MEIKIN: variants seen among roughly 807,000 people sequenced by gnomAD.
MEIKIN encodes meiotic kinetochore factor, also known as meiosis-specific kinetochore protein.
At chr5:131,871,315 C>T (rs1023869824) in intron 9 of MEIKIN, among the ~76,000 whole-genome samples, 6 of 152,230 alleles carry the variant, frequency 3.9e-5, no homozygotes, top group African/African-American at 1.2e-4. Flanking sequence ...ACTGCACTTT[C>T]CCAACTGGCT....
intron 9 of MEIKIN, among the ~76,000 whole-genome samples, chr5:131,875,321 A>C (rs2149626987): frequency 6.6e-6 from 1 of 152,354 alleles, no homozygotes; most frequent in Admixed American, 6.5e-5. Flanking sequence ...TCAATGTACA[A>C]AAATCACAAG....
At chr5:131,925,491 A>T (rs1751573102) in intron 5 of MEIKIN, among the ~76,000 whole-genome samples, 1 of 152,122 alleles carries the variant, frequency 6.6e-6, no homozygotes, top group African/African-American at 2.4e-5. Context: ...TCTACTTCTT[A>T]AGTTTATTCC....
intron 10 of MEIKIN, among the ~76,000 whole-genome samples, chr5:131,853,453 A>T (rs1157794473): frequency 6.6e-6 from 1 of 152,164 alleles, no homozygotes; most frequent in African/African-American, 2.4e-5. Context: ...TGGATTTGAT[A>T]ATCATTTCTT....
intron 11 of MEIKIN, among the ~76,000 whole-genome samples, chr5:131,826,882 T>G (rs1749618008): frequency 6.6e-6 from 1 of 152,220 alleles, no homozygotes. Flanking sequence ...TTACCTGGTC[T>G]CAGGTAGTAT....
intron 11 of MEIKIN, among the ~76,000 whole-genome samples, chr5:131,830,406 G>A (rs1749695599): frequency 6.6e-6 from 1 of 152,020 alleles, no homozygotes; most frequent in Non-Finnish European, 1.5e-5. Flanking sequence ...GAAAGAAAAA[G>A]ATTTATGAAA....
intron 4 of MEIKIN, among the ~76,000 whole-genome samples, chr5:131,934,193 C>A (rs1751735915): frequency 6.6e-6 from 1 of 151,744 alleles, no homozygotes; most frequent in Non-Finnish European, 1.5e-5. Flanking sequence ...GAACTCCTGA[C>A]CTCATGATCC....
chr5:131,883,799 A>C (rs574356413), intron 8 of MEIKIN, among the ~76,000 whole-genome samples: 1 of 152,232 alleles, frequency 6.6e-6, no homozygotes, highest in East Asian at 1.9e-4. Context: ...CCAATGCCAC[A>C]CCTCCTTCAT....
At chr5:131,921,570 C>G (rs1241536853) in intron 6 of MEIKIN, among the ~76,000 whole-genome samples, 1 of 152,112 alleles carries the variant, frequency 6.6e-6, no homozygotes, top group East Asian at 1.9e-4. Flanking sequence ...GGCAGGAGAA[C>G]TGCTTGAACC....
At chr5:131,882,716 C>A (rs1007836709) in intron 8 of MEIKIN, among the ~76,000 whole-genome samples, 7 of 152,234 alleles carry the variant, frequency 4.6e-5, no homozygotes, top group Middle Eastern at 3.2e-3. Context: ...CCACTTTACA[C>A]AACCTGGTTA....
intron 4 of MEIKIN, among the ~76,000 whole-genome samples, chr5:131,933,908 G>C (rs1751729959): frequency 6.6e-6 from 1 of 151,642 alleles, no homozygotes. Context: ...CTTTTCTCTA[G>C]TTTGGTTCAG....
chr5:131,888,491 G>C (rs1420134181), intron 8 of MEIKIN, among the ~76,000 whole-genome samples: 1 of 152,142 alleles, frequency 6.6e-6, no homozygotes, highest in Non-Finnish European at 1.5e-5. Context: ...TGTGTCCGTT[G>C]GCTGCATAAA....
rs1053459686 is a variant in MEIKIN, at chr5:131,942,666, A to G, written c.318T>C (p.Asp106=). 2.0e-5 allele frequency: 8 copies of G among 398,482 alleles called. No individual in the cohort carries two copies. Among genetic ancestry groups the G allele is most frequent in the African/African-American group, 1.0e-4 (5 of 48,634 alleles). 24.7% of individuals were successfully genotyped at this position (398,482 alleles called of 1,614,324 possible). A position where few individuals can be genotyped will look rare whatever the true frequency, so the allele number is the denominator to read the frequency against. ...CTAGTTCACTATTTGATGAACTACT[A>G]TCAACCTGGAGGTCATCAGTAACTG... ...RESVTDDLQV[D]SSSSNSELVS... The change falls in exon 4 of 13, where the codon GAT becomes GAC. Residue 106 remains aspartate, a synonymous_variant. Coordinates refer to ENST00000442687, the MANE Select transcript of MEIKIN (RefSeq NM_001303622.2).
At chr5:131,852,180 G>A (rs1750126009) in intron 10 of MEIKIN, among the ~76,000 whole-genome samples, 1 of 152,094 alleles carries the variant, frequency 6.6e-6, no homozygotes, top group Non-Finnish European at 1.5e-5. Flanking sequence ...ATAGGTCAAG[G>A]GAGGGACCCG....
chr5:131,843,997 T>C (rs1749965408), intron 11 of MEIKIN, among the ~76,000 whole-genome samples: 1 of 152,182 alleles, frequency 6.6e-6, no homozygotes, highest in South Asian at 2.1e-4. Flanking sequence ...ACAGGAGTTA[T>C]GGCTGGGGAG....
chr5:131,932,292 T>C (rs978338461), intron 5 of MEIKIN, among the ~76,000 whole-genome samples: 6 of 152,156 alleles, frequency 3.9e-5, no homozygotes, highest in African/African-American at 1.2e-4. Context: ...TGGCACAAAG[T>C]GAGAAGCATT....
At chr5:131,919,510 A>T (rs1441988313) in intron 6 of MEIKIN, among the ~76,000 whole-genome samples, 1 of 152,230 alleles carries the variant, frequency 6.6e-6, no homozygotes, top group East Asian at 1.9e-4. Context: ...TTGAATCAAC[A>T]AAAGTACATC....
intron 8 of MEIKIN, among the ~76,000 whole-genome samples, chr5:131,899,683 T>C (rs1751122643): frequency 6.6e-6 from 1 of 150,540 alleles, no homozygotes; most frequent in Non-Finnish European, 1.5e-5. Flanking sequence ...AGAGCAGGAG[T>C]AGCTATATTT....
intron 11 of MEIKIN, among the ~76,000 whole-genome samples, chr5:131,821,825 T>G (rs1207929160): frequency 6.6e-6 from 1 of 151,692 alleles, no homozygotes; most frequent in Non-Finnish European, 1.5e-5. Context: ...GGGTCTCACT[T>G]TGTTACCCAG....
intron 9 of MEIKIN, among the ~76,000 whole-genome samples, chr5:131,869,339 G>A (rs188016239): frequency 1.3e-5 from 2 of 152,246 alleles, no homozygotes; most frequent in Non-Finnish European, 1.5e-5. Flanking sequence ...CCATCGATCT[G>A]TTTGTTTATT....
Sources: gnomAD v4.1 joint callset for allele counts (sites outside exome capture counted in the v4.1 genomes callset) on GRCh38, gnomAD v4.1.1 for gene constraint, MANE v1.5 for transcripts, NCBI Gene and HGNC (gene_info 2026-07-23, HGNC 2026-07-21) for gene names.